NALCN: variants seen among roughly 807,000 people sequenced by gnomAD.
The protein encoded by NALCN is sodium leak channel NALCN.
Under a neutral mutation model 225.3 loss-of-function variants are expected in NALCN, and 111 were observed. That is an observed-to-expected ratio of 0.49 (90% CI 0.42 to 0.58). The LOEUF (loss-of-function observed/expected upper bound fraction) is 0.58. Ranked by LOEUF, NALCN falls within the 20% of genes least tolerant of loss-of-function variation. The pLI, the probability that NALCN is intolerant of heterozygous loss-of-function variation, is 0.00. For synonymous variants in NALCN, 764 were observed against 769.0 expected (o/e 0.99, Z 0.11); for missense variants, 1,378 against 2,202.4 (o/e 0.63, Z 7.49).
intron 30 of NALCN, among the ~76,000 whole-genome samples, chr13:101,087,144 A>G (rs34907378): frequency 6.6e-6 from 1 of 152,166 alleles, no homozygotes; most frequent in East Asian, 1.9e-4. Context: ...AAAAAAATCT[A>G]TATTACTAAT....
At chr13:101,408,320 C>T (rs138754413) in intron 1 of NALCN, among the ~76,000 whole-genome samples, 1 of 152,146 alleles carries the variant, frequency 6.6e-6, no homozygotes, top group Admixed American at 6.6e-5. Context: ...CTCTCCTCCG[C>T]GTATCCTTAG....
intron 26 of NALCN, among the ~76,000 whole-genome samples, chr13:101,102,800 A>T (rs921532): frequency 0.25 from 38,415 of 152,158 alleles, 5,263 homozygotes; most frequent in African/African-American, 0.34. Flanking sequence ...GGAGCCCAAA[A>T]GCATGAATTC....
At chr13:101,244,611 A>G (rs1043106779) in intron 11 of NALCN, among the ~76,000 whole-genome samples, 1 of 152,224 alleles carries the variant, frequency 6.6e-6, no homozygotes, top group Admixed American at 6.5e-5. Context: ...TGCCAAAGTG[A>G]TAACATTTTA....
chr13:101,154,840 T>C (rs1165667626), intron 15 of NALCN, among the ~76,000 whole-genome samples: 1 of 152,250 alleles, frequency 6.6e-6, no homozygotes, highest in Non-Finnish European at 1.5e-5. Context: ...TCAGATGAGT[T>C]ATATTACTGG....
At chr13:101,132,142 G>A (rs548093242) in intron 17 of NALCN, among the ~76,000 whole-genome samples, 20 of 151,564 alleles carry the variant, frequency 1.3e-4, no homozygotes, top group Non-Finnish European at 2.4e-4. Context: ...TTCATTCAGG[G>A]CTAAATTTTT....
At chr13:101,224,575 C>T (rs184000649) in intron 13 of NALCN, among the ~76,000 whole-genome samples, 26 of 152,266 alleles carry the variant, frequency 1.7e-4, no homozygotes, top group Admixed American at 5.9e-4. Flanking sequence ...ATATGCTTAT[C>T]GCTGTCTTCC....
intron 11 of NALCN, among the ~76,000 whole-genome samples, chr13:101,256,568 C>G (rs1230783959): frequency 1.3e-5 from 2 of 152,030 alleles, no homozygotes; most frequent in African/African-American, 4.8e-5. Flanking sequence ...AATTTTTTGC[C>G]TAACCCCAGG....
chr13:101,316,668 C>T (rs2044563806), intron 7 of NALCN, among the ~76,000 whole-genome samples: 1 of 152,154 alleles, frequency 6.6e-6, no homozygotes, highest in Admixed American at 6.5e-5. Flanking sequence ...CCCTTTTATA[C>T]CTGTACTCTG....
rs1471762803 is a variant in NALCN, at chr13:101,271,718, ATGTC to A, written c.1134+12211_1134+12214del. Among the ~76,000 whole-genome samples the A allele has an allele frequency of 1.1e-3, 157 of 148,148 alleles. 1 individual carries two copies. The highest frequency in any genetic ancestry group is 3.7e-3 in the African/African-American group (148 of 40,066). On this transcript the variant is annotated intron_variant, in intron 10 of 43. Transcript: ENST00000251127. ...TGTGCATGTGTGCATAAGCATGTAA[ATGTC>A]TGTGTGTCACTGTGTCACTGAGTAT...
At chr13:101,192,887 A>C (rs2140007838) in intron 13 of NALCN, among the ~76,000 whole-genome samples, 1 of 152,296 alleles carries the variant, frequency 6.6e-6, no homozygotes, top group South Asian at 2.1e-4. Flanking sequence ...TGATATCTGG[A>C]GCAAGTTGCC....
At chr13:101,100,943 T>A (rs1424494700) in intron 26 of NALCN, 55 bp from the exon 27 acceptor site, 25 of 1,421,390 alleles carry the variant, frequency 1.8e-5, no homozygotes, top group Non-Finnish European at 2.4e-5. Flanking sequence ...ATATTAGGTT[T>A]GGTTTAAACA....
chr13:101,095,770 G>T, intron 27 of NALCN, 90 bp from the exon 28 acceptor site: 1 of 1,109,758 alleles, frequency 9.0e-7, no homozygotes, highest in Non-Finnish European at 1.3e-6. Context: ...CTTCTTTCAC[G>T]GAATCCCAAA....
At chr13:101,341,809 A>G (rs1449315937) in intron 7 of NALCN, among the ~76,000 whole-genome samples, 1 of 152,116 alleles carries the variant, frequency 6.6e-6, no homozygotes, top group African/African-American at 2.4e-5. Flanking sequence ...TCTAACCCCC[A>G]TGGGGGTGAT....
intron 1 of NALCN, among the ~76,000 whole-genome samples, chr13:101,415,277 G>C (rs2047910402): frequency 6.9e-6 from 1 of 144,746 alleles, no homozygotes; most frequent in Non-Finnish European, 1.5e-5. Context: ...TCCCCTATTA[G>C]AGGTGTTATC....
intron 13 of NALCN, among the ~76,000 whole-genome samples, chr13:101,221,957 A>G (rs1392395998): frequency 6.6e-6 from 1 of 152,014 alleles, no homozygotes; most frequent in Non-Finnish European, 1.5e-5. Flanking sequence ...TTGACCAACC[A>G]CTCACTCCCA....
chr13:101,057,641 A>C (rs577738626), intron 43 of NALCN: 1 of 388,678 alleles, frequency 2.6e-6, no homozygotes, highest in South Asian at 2.5e-5. Flanking sequence ...CTTGAGGCAC[A>C]CAGAAAGCCC....
intron 9 of NALCN, among the ~76,000 whole-genome samples, chr13:101,285,187 C>T (rs1488901641): frequency 6.6e-6 from 1 of 152,176 alleles, no homozygotes; most frequent in East Asian, 1.9e-4. Context: ...TTTCAAATCC[C>T]TGGTAGTAGT....
rs373019576 is a variant in NALCN, at chr13:101,390,235, A to T, written c.291+4948T>A. Among the ~76,000 whole-genome samples, 102 of 152,262 alleles carry T rather than the reference A, an allele frequency of 6.7e-4. 2 individuals are homozygous for T. The South Asian group carries it at 0.02, about 30-fold the overall frequency. On this transcript the variant is annotated intron_variant, in intron 3 of 43. Coordinates refer to ENST00000251127, the MANE Select transcript of NALCN (RefSeq NM_052867.4). The stretch of plus-strand genomic sequence containing the variant: ...CAAAAGAATCACAAAACTAGAAATA[A>T]GAAAACACAGAAATGATGTCTAAAT...
chr13:101,208,503 AAT>A (rs2040406320), intron 13 of NALCN, among the ~76,000 whole-genome samples: 1 of 152,256 alleles, frequency 6.6e-6, no homozygotes, highest in African/African-American at 2.4e-5. Flanking sequence ...TAACTTGTTT[AAT>A]ATGTCTTTTA....
Sources: gnomAD v4.1 joint callset for allele counts (sites outside exome capture counted in the v4.1 genomes callset) on GRCh38, gnomAD v4.1.1 for gene constraint, MANE v1.5 for transcripts, NCBI Gene and HGNC (gene_info 2026-07-23, HGNC 2026-07-21) for gene names.